FAM217A: variants seen among roughly 807,000 people sequenced by gnomAD.
FAM217A encodes the protein protein FAM217A.
In FAM217A, 13 loss-of-function variants were observed where a neutral mutation model predicts 18.5. The observed-to-expected ratio is 0.70, with a 90% CI of 0.46 to 1.12. The LOEUF is 1.12. Ranked by LOEUF, FAM217A falls within the 50% of genes most tolerant of loss-of-function variation. The pLI is 0.00. For missense variants in FAM217A, 560 were observed against 575.4 expected (o/e 0.97, Z 0.27); for synonymous variants, 161 against 202.8 (o/e 0.79, Z 1.75).
upstream of FAM217A, among the ~76,000 whole-genome samples, chr6:4,080,900 T>G (rs1319888981): frequency 1.5e-5 from 2 of 132,922 alleles, no homozygotes; most frequent in African/African-American, 6.7e-5. Flanking sequence ...GTGTAATTAC[T>G]AGAAAAAATA....
rs757336748 is a variant in FAM217A, at chr6:4,069,286, A to G, written c.937T>C (p.Cys313Arg). Reference protein sequence around the residue: ...KERPRLQTTFCTPAVTERPSS... With the variant: ...KERPRLQTTFRTPAVTERPSS... ...GGTCGTTCAGTAACTGCTGGAGTAC[A>G]GAAAGTCGTTTGTAGTCTTGGCCTC... The change falls in exon 7 of 7, where the codon TGT (cysteine) becomes CGT (arginine). Residue 313 changes from cysteine to arginine, a missense_variant. Coordinates refer to ENST00000274673, the MANE Select transcript of FAM217A (RefSeq NM_173563.3). 3 of 1,614,152 alleles carry G rather than the reference A, an allele frequency of 1.9e-6. No homozygotes were observed. The East Asian group carries it at 6.7e-5, about 36-fold the overall frequency.
At chr6:4,084,774 G>A (rs1328194425) in exon 2 of FAM217A, 6 of 702,848 alleles carry the variant, frequency 8.5e-6, no homozygotes, top group Non-Finnish European at 1.6e-5. Context: ...CCATGGCGAG[G>A]GGGAAGAAGA....
intron 2 of FAM217A, among the ~76,000 whole-genome samples, chr6:4,076,329 A>C (rs1030927133): frequency 8.7e-5 from 12 of 138,684 alleles, no homozygotes; most frequent in Non-Finnish European, 1.5e-4. Flanking sequence ...ACTCCGTCTC[A>C]AAAAAAAAGA....
Position 4,077,364 on chromosome 6 carries a change from G to A in FAM217A, c.51C>T (p.Ile17=). 1 of 1,614,206 alleles carries A rather than the reference G, an allele frequency of 6.2e-7. No homozygotes were observed. The highest frequency in any genetic ancestry group is 8.5e-7 in the Non-Finnish European group (1 of 1,180,034). Residue 17 remains isoleucine (I), a synonymous_variant, in exon 2 of 7, where the codon ATC becomes ATT. Transcript: ENST00000274673. The part of the protein sequence containing the change: ...NCANSLRVSN[I]SQENLSHWNL... ...ACAGCGCCTGCCATACCTCCTGAGA[G>A]ATGTTTGACACACGTAGGCTGTTAG... is the stretch of plus-strand genomic sequence containing the variant.
Position 4,069,255 on chromosome 6 carries a change from G to C in FAM217A, c.968C>G (p.Ser323Cys). The C allele has an allele frequency of 6.2e-7, 1 of 1,614,194 alleles. No individual in the cohort carries two copies. The highest frequency in any genetic ancestry group is 8.5e-7 in the Non-Finnish European group (1 of 1,180,032). Residue 323 changes from serine (S) to cysteine (C), a missense_variant, in exon 7 of 7, where the codon TCC becomes TGC. By Grantham distance (112) the Ser-to-Cys change is moderately radical. Transcript: ENST00000274673. The part of the protein sequence containing the change: ...CTPAVTERPS[S>C]SKATPKVRQP... Reference sequence around the variant, plus strand: ...TCTCACTTTTGGTGTAGCTTTGGAGGAAGAGGGTCGTTCAGTAACTGCTGG... The same window carrying C: ...TCTCACTTTTGGTGTAGCTTTGGAGCAAGAGGGTCGTTCAGTAACTGCTGG...
intron 6 of FAM217A, among the ~76,000 whole-genome samples, chr6:4,070,683 T>C (rs1379671239): frequency 6.6e-6 from 1 of 152,170 alleles, no homozygotes; most frequent in Admixed American, 6.5e-5. Flanking sequence ...ACATTAAAGA[T>C]AACAAAGTAA....
At chr6:4,084,278 T>A (rs1271354205) in intron 2 of FAM217A, among the ~76,000 whole-genome samples, 1 of 152,254 alleles carries the variant, frequency 6.6e-6, no homozygotes, top group African/African-American at 2.4e-5. Context: ...GAAATATTGT[T>A]TAAAAACTAT....
chr6:4,077,430 G>C lies in FAM217A; in HGVS notation c.-16C>G. 1 of 1,614,042 alleles carries C rather than the reference G, an allele frequency of 6.2e-7. No individual in the cohort carries two copies. The highest frequency in any genetic ancestry group is 1.3e-5 in the African/African-American group (1 of 75,038). On this transcript the variant is annotated 5_prime_UTR_variant, in exon 2 of 7. Transcript: ENST00000274673. ...TTCTCCCCATTTTGTTGTAGCTGTT[G>C]CTCTGTTTCCTTAAAATCCTACACA...
At chr6:4,085,829 G>T (rs1770619542) in intron 1 of FAM217A, among the ~76,000 whole-genome samples, 1 of 152,112 alleles carries the variant, frequency 6.6e-6, no homozygotes, top group Non-Finnish European at 1.5e-5. Context: ...AAAGGAATAG[G>T]CCAGACATAG....
At position 4,078,911 on chromosome 6, in the gene FAM217A, G is replaced by A. The variant is rs890106516; in HGVS notation, c.-94C>T. 2.4e-5 allele frequency: 14 copies of A among 584,180 alleles called. No individual in the cohort carries two copies. The highest frequency in any genetic ancestry group is 8.7e-5 in the Admixed American group (3 of 34,334). The allele number at this position is 584,180 out of a possible 1,614,324, so 36.2% of individuals were successfully genotyped here. On this transcript the variant is annotated 5_prime_UTR_variant, in exon 1 of 7. Transcript: ENST00000274673. ...CTCCCGGTGCGCCGCCCCGAGGCCC[G>A]AGCGCCTCCGCGTGCGTGGCTGACG... is the stretch of plus-strand genomic sequence containing the variant.
At chr6:4,081,279 CTATTT>C (rs1770277120), upstream of FAM217A, among the ~76,000 whole-genome samples, 1 of 151,940 alleles carries the variant, frequency 6.6e-6, no homozygotes, top group Non-Finnish European at 1.5e-5. Context: ...CCAGTTATTC[CTATTT>C]TATTTCTTAT....
chr6:4,083,624 T>C (rs1312767085), upstream of FAM217A, among the ~76,000 whole-genome samples: 1 of 137,974 alleles, frequency 7.2e-6, no homozygotes, highest in Non-Finnish European at 1.5e-5. Context: ...CATTCTCAGC[T>C]CACTGCAACC....
In FAM217A at chr6:4,084,717, T is replaced by TG; in HGVS notation, c.111_112insC (p.Asn38GlnfsTer8). On this transcript the variant is annotated frameshift_variant, in exon 2 of 9. Coordinates refer to the FAM217A transcript ENST00000639338. LOFTEE classifies it high-confidence loss of function. ...GAGCTAATCTTCTCTCTGTGAACAT[T>TG]ACTGAACACCTTGCCTTCTGGAAGC... is the stretch of plus-strand genomic sequence containing the variant. 1.4e-6 allele frequency: 1 copy of TG among 703,028 alleles called. No individual in the cohort carries two copies. Among genetic ancestry groups the TG allele is most frequent in the Non-Finnish European group, 2.6e-6 (1 of 385,010 alleles). 43.5% of individuals were successfully genotyped at this position (703,028 alleles called of 1,614,324 possible).
At chr6:4,077,572 C>A in intron 1 of FAM217A, 124 bp from the exon 2 acceptor site, 1 of 810,560 alleles carries the variant, frequency 1.2e-6, no homozygotes. Flanking sequence ...AAGAGAGGGG[C>A]TAGGAGAGCA....
At position 4,073,461 on chromosome 6, in the gene FAM217A, A is replaced by C; in HGVS notation, c.206T>G (p.Leu69Trp). 6.2e-7 allele frequency: 1 copy of C among 1,613,612 alleles called. No individual in the cohort carries two copies. The highest frequency in any genetic ancestry group is 1.1e-5 in the South Asian group (1 of 90,996). Residue 69 changes from leucine to tryptophan, a missense_variant, in exon 5 of 7, where the codon TTG (leucine) becomes TGG (tryptophan). Transcript: ENST00000274673. ...TGTACTTTTTTGACTATGCACCGACAAATTAGGTTCTAGCATCAGTTGCTC... is the reference window on the plus strand; with the variant it reads ...TGTACTTTTTTGACTATGCACCGACCAATTAGGTTCTAGCATCAGTTGCTC... ...PVEQLMLEPNLSVHSQKSTQN... is the reference protein window; with the variant it reads ...PVEQLMLEPNWSVHSQKSTQN...
chr6:4,086,999 T>C, intron 1 of FAM217A: 2 of 399,108 alleles, frequency 5.0e-6, no homozygotes, highest in Non-Finnish European at 8.8e-6. Context: ...GTAACTAGTT[T>C]GGCTTCTTAC....
upstream of FAM217A, chr6:4,079,256 T>A (rs1770090240): frequency 5.7e-6 from 1 of 176,116 alleles, no homozygotes; most frequent in South Asian, 2.0e-4. Context: ...GCGCGGAGCC[T>A]CTCGGGGGTC....
Position 4,069,728 on chromosome 6 carries a change from A to G in FAM217A, c.495T>C (p.Ile165=). Residue 165 remains isoleucine (I), a synonymous_variant, in exon 7 of 7, where the codon ATT becomes ATC. Transcript: ENST00000274673. ...DGDFFKNRNE[I]HVSSCSTIEN... ...CTATAGTTGAACATGAACTAACATG[A>G]ATCTCATTTCTGTTCTTAAAAAAGT... The G allele has an allele frequency of 1.2e-6, 2 of 1,614,160 alleles. No homozygotes were observed. Among genetic ancestry groups the G allele is most frequent in the Non-Finnish European group, 1.7e-6 (2 of 1,180,014 alleles).
chr6:4,074,554 T>C (rs1236167020), intron 3 of FAM217A, 23 bp downstream of exon 3: 1 of 1,595,204 alleles, frequency 6.3e-7, no homozygotes, highest in Non-Finnish European at 8.6e-7. Context: ...TCAGTATAAG[T>C]ATACACATCT....
Sources: allele counts gnomAD v4.1 joint callset (sites outside exome capture counted in the v4.1 genomes callset), GRCh38; gene constraint gnomAD v4.1.1; transcripts MANE v1.5; gene names NCBI Gene and HGNC (gene_info 2026-07-23, HGNC 2026-07-21).